The following ILDR1 variants were observed in gnomAD, a reference collection of about 807,000 sequenced individuals.
ILDR1 encodes the protein immunoglobulin-like domain-containing receptor 1.
A neutral mutation model predicts 62.4 loss-of-function variants in ILDR1; 56 were observed. The ratio of observed to expected loss-of-function variants is 0.90; its 90% CI spans 0.72 to 1.12. The LOEUF is 1.12. Ranked by LOEUF, ILDR1 falls within the 50% of genes most tolerant of loss-of-function variation. The probability of loss-of-function intolerance (pLI) is 0.00; values close to 1 mark genes in which losing one functional copy is unlikely to be tolerated. For missense variants in ILDR1, 736 were observed against 710.6 expected (o/e 1.04, Z -0.41); for synonymous variants, 284 against 277.8 (o/e 1.02, Z -0.22).
the ILDR1 span, among the ~76,000 whole-genome samples, chr3:122,042,673 A>G: frequency 2.6e-5 from 4 of 152,056 alleles, no homozygotes; most frequent in African/African-American, 7.2e-5. Flanking sequence ...GCCAGTGATG[A>G]TGAGCATTTT....
At chr3:122,040,073 A>C in the ILDR1 span, among the ~76,000 whole-genome samples, 1 of 152,020 alleles carries the variant, frequency 6.6e-6, no homozygotes, top group Non-Finnish European at 1.5e-5. Flanking sequence ...AGTATGATAC[A>C]TAATTGCCCC....
chr3:122,048,480 A>G, the ILDR1 span, among the ~76,000 whole-genome samples: 1 of 152,098 alleles, frequency 6.6e-6, no homozygotes, highest in African/African-American at 2.4e-5. Context: ...AAATTTTTGG[A>G]AGAGTTTGAG....
chr3:122,051,604 G>A, the ILDR1 span, among the ~76,000 whole-genome samples: 1 of 152,018 alleles, frequency 6.6e-6, no homozygotes. Flanking sequence ...ATATACCTCT[G>A]TTTCTTTAGG....
At chr3:122,010,160 G>T (rs2071682909) in intron 1 of ILDR1, among the ~76,000 whole-genome samples, 1 of 152,210 alleles carries the variant, frequency 6.6e-6, no homozygotes, top group African/African-American at 2.4e-5. Flanking sequence ...TTAGGAAGGG[G>T]CAGTTACTTG....
the ILDR1 span, among the ~76,000 whole-genome samples, chr3:122,052,431 C>T: frequency 6.6e-6 from 1 of 152,148 alleles, no homozygotes; most frequent in African/African-American, 2.4e-5. Context: ...CCCTCTAGGA[C>T]AGCAATATAT....
At chr3:121,994,368 C>T in intron 5 of ILDR1, 55 bp from the exon 6 acceptor site, 2 of 1,493,564 alleles carry the variant, frequency 1.3e-6, no homozygotes, top group Non-Finnish European at 8.9e-7. Context: ...CCCCACACCT[C>T]CCACTTCACT....
At chr3:122,007,213 G>A (rs750221875) in intron 1 of ILDR1, 52 bp from the exon 2 acceptor site, 1 of 1,612,880 alleles carries the variant, frequency 6.2e-7, no homozygotes, top group South Asian at 1.1e-5. Flanking sequence ...CTGCTCATGG[G>A]TAAGAAAAAC....
chr3:122,052,451 T>A, the ILDR1 span, among the ~76,000 whole-genome samples: 1 of 152,196 alleles, frequency 6.6e-6, no homozygotes, highest in South Asian at 2.1e-4. Context: ...TCACCCAGTA[T>A]TTTTTTGTTC....
upstream of ILDR1, among the ~76,000 whole-genome samples, chr3:122,025,738 G>C (rs1014226343): frequency 6.6e-6 from 1 of 152,082 alleles, no homozygotes; most frequent in African/African-American, 2.4e-5. Flanking sequence ...AGATTTTGTA[G>C]ACATACAGGG....
At chr3:122,005,202 T>TCCCCCCC in intron 3 of ILDR1, 42 bp downstream of exon 3, 1 of 1,216,414 alleles carries the variant, frequency 8.2e-7, no homozygotes, top group Non-Finnish European at 1.2e-6. Flanking sequence ...TGTCTGCACC[T>TCCCCCCC]CCCCCCACCC....
chr3:122,037,796 ATGT>A, the ILDR1 span, among the ~76,000 whole-genome samples: 1 of 152,180 alleles, frequency 6.6e-6, no homozygotes, highest in East Asian at 1.9e-4. Context: ...CCCAAATCTC[ATGT>A]TGAATTGGAG....
chr3:122,053,943 T>C, the ILDR1 span, among the ~76,000 whole-genome samples: 1 of 152,236 alleles, frequency 6.6e-6, no homozygotes, highest in African/African-American at 2.4e-5. Flanking sequence ...TATGTAGTTA[T>C]AAATACTATT....
At chr3:122,045,458 A>G in the ILDR1 span, among the ~76,000 whole-genome samples, 1 of 152,256 alleles carries the variant, frequency 6.6e-6, no homozygotes, top group East Asian at 1.9e-4. Flanking sequence ...GCTGAGTTCA[A>G]TTCCTGGGTA....
chr3:122,005,419 C>A (rs2071593231), intron 2 of ILDR1, 26 bp from the exon 3 acceptor site: 1 of 1,614,056 alleles, frequency 6.2e-7, no homozygotes, highest in African/African-American at 1.3e-5. Flanking sequence ...ACACTAGAGT[C>A]ACACAGCAAT....
the ILDR1 span, among the ~76,000 whole-genome samples, chr3:122,030,819 AG>A: frequency 1.3e-5 from 2 of 152,126 alleles, no homozygotes; most frequent in Non-Finnish European, 2.9e-5. Flanking sequence ...GTATTTGGGG[AG>A]GCCCAGGAAG....
intron 5 of ILDR1, among the ~76,000 whole-genome samples, chr3:121,999,035 T>A (rs543819230): frequency 5.9e-5 from 9 of 152,320 alleles, no homozygotes; most frequent in Admixed American, 5.2e-4. Flanking sequence ...TGAGGAAACG[T>A]ATGCAAGGGG....
chr3:122,038,650 A>G, the ILDR1 span, among the ~76,000 whole-genome samples: 2 of 152,260 alleles, frequency 1.3e-5, no homozygotes, highest in Non-Finnish European at 2.9e-5. Context: ...AGGAATCATC[A>G]GAATCAGATA....
At chr3:122,051,586 G>C in the ILDR1 span, among the ~76,000 whole-genome samples, 2 of 152,020 alleles carry the variant, frequency 1.3e-5, no homozygotes, top group Non-Finnish European at 2.9e-5. Flanking sequence ...TTTTTTGTCA[G>C]ATAATTCATA....
At chr3:122,037,479 C>T in the ILDR1 span, among the ~76,000 whole-genome samples, 2 of 152,214 alleles carry the variant, frequency 1.3e-5, no homozygotes, top group African/African-American at 2.4e-5. Context: ...TTCAGACTTT[C>T]ATGGGGCCTG....
Sources: allele counts gnomAD v4.1 joint callset (sites outside exome capture counted in the v4.1 genomes callset), GRCh38; gene constraint gnomAD v4.1.1; transcripts MANE v1.5; gene names NCBI Gene and HGNC (gene_info 2026-07-23, HGNC 2026-07-21).